Variants in BMPR1A observed in about 807,000 individuals in gnomAD.
BMPR1A encodes the protein bone morphogenetic protein receptor type 1A, also known as bone morphogenetic protein receptor type-1A.
BMPR1A carries 7 observed loss-of-function variants against 66.0 expected under a neutral mutation model. That is an observed-to-expected ratio of 0.11 (90% CI 0.06 to 0.20). BMPR1A has a LOEUF of 0.20. BMPR1A is among the 10% of genes least tolerant of loss of function. The probability of loss-of-function intolerance (pLI) is 1.00; values close to 1 mark genes in which losing one functional copy is unlikely to be tolerated. For missense variants in BMPR1A, 408 were observed against 669.1 expected (o/e 0.61, Z 4.31); for synonymous variants, 200 against 229.7 (o/e 0.87, Z 1.17).
chr10:86,788,406 A>G (rs1168619973), intron 1 of BMPR1A, among the ~76,000 whole-genome samples: 1 of 152,194 alleles, frequency 6.6e-6, no homozygotes, highest in African/African-American at 2.4e-5. Flanking sequence ...TTGTTCCCAA[A>G]TGATGCCCCC....
rs544060197 is a variant in BMPR1A, at chr10:86,793,900, G to A, written c.-268+36981G>A. The stretch of plus-strand genomic sequence containing the variant: ...TTCTGTGCCTCTTACAGCCTCTAGA[G>A]GCTGGCTGCATTCCTGGATCAGGCT... On this transcript the variant is annotated intron_variant, in intron 1 of 12. Transcript: ENST00000372037. Among the ~76,000 whole-genome samples, 12 of 152,282 alleles carry A rather than the reference G, an allele frequency of 7.9e-5. No homozygotes were observed. The South Asian group carries it at 2.5e-3, about 32-fold the overall frequency.
intron 7 of BMPR1A, among the ~76,000 whole-genome samples, chr10:86,905,007 CA>C (rs1843365654): frequency 6.6e-6 from 1 of 152,174 alleles, no homozygotes; most frequent in South Asian, 2.1e-4. Context: ...AGTTGTTCTC[CA>C]TAGCAAACCG....
intron 1 of BMPR1A, among the ~76,000 whole-genome samples, chr10:86,831,619 C>G (rs981796780): frequency 5.9e-5 from 9 of 152,142 alleles, no homozygotes; most frequent in Non-Finnish European, 8.8e-5. Context: ...AAAAAATTAT[C>G]CAGGCTTGTT....
At chr10:86,789,217 T>C (rs567763445) in intron 1 of BMPR1A, among the ~76,000 whole-genome samples, 1 of 152,290 alleles carries the variant, frequency 6.6e-6, no homozygotes, top group South Asian at 2.1e-4. Flanking sequence ...GTATAAATCT[T>C]GGTGACCTTG....
intron 1 of BMPR1A, among the ~76,000 whole-genome samples, chr10:86,806,129 A>G (rs1841886632): frequency 6.6e-6 from 1 of 152,168 alleles, no homozygotes; most frequent in Non-Finnish European, 1.5e-5. Flanking sequence ...CAGGTGATGC[A>G]TCTCTGGCCA....
chr10:86,889,105 C>CAG (rs1024900957), intron 3 of BMPR1A, among the ~76,000 whole-genome samples: 1 of 152,130 alleles, frequency 6.6e-6, no homozygotes, highest in Non-Finnish European at 1.5e-5. Context: ...CTAGCTGAGT[C>CAG]AGAGAGAGGA....
intron 3 of BMPR1A, among the ~76,000 whole-genome samples, chr10:86,883,869 G>A (rs906277074): frequency 3.5e-5 from 3 of 84,950 alleles, no homozygotes; most frequent in Non-Finnish European, 7.0e-5. Flanking sequence ...TTGAGCGTAT[G>A]ACTTTTTTTT....
At chr10:86,915,218 A>G (rs1843548045) in intron 8 of BMPR1A, among the ~76,000 whole-genome samples, 1 of 151,982 alleles carries the variant, frequency 6.6e-6, no homozygotes. Context: ...TTAAGTAGAG[A>G]CAGGGTTTCA....
chr10:86,888,786 C>T (rs117321655), intron 3 of BMPR1A, among the ~76,000 whole-genome samples: 6,237 of 143,260 alleles, frequency 0.044, 185 homozygotes, highest in South Asian at 0.08. Context: ...CTGATCACAT[C>T]ACTGTACTCC....
At chr10:86,868,133 C>T (rs1424406432) in intron 2 of BMPR1A, among the ~76,000 whole-genome samples, 3 of 152,098 alleles carry the variant, frequency 2.0e-5, no homozygotes, top group East Asian at 1.9e-4. Context: ...TCCTGGCCCA[C>T]GGGCATTATT....
chr10:86,789,072 G>A (rs1841560903), intron 1 of BMPR1A, among the ~76,000 whole-genome samples: 1 of 152,094 alleles, frequency 6.6e-6, no homozygotes, highest in South Asian at 2.1e-4. Context: ...GAATAGTGCT[G>A]GAAGAATTAG....
At chr10:86,915,181 A>G (rs558662843) in intron 8 of BMPR1A, among the ~76,000 whole-genome samples, 1 of 152,182 alleles carries the variant, frequency 6.6e-6, no homozygotes, top group East Asian at 1.9e-4. Context: ...ATGCACCACC[A>G]TGCCCAGCTA....
At chr10:86,918,492 T>C (rs1277178602) in intron 9 of BMPR1A, among the ~76,000 whole-genome samples, 1 of 152,226 alleles carries the variant, frequency 6.6e-6, no homozygotes, top group African/African-American at 2.4e-5. Context: ...AGTTGAACAT[T>C]CTTAATTTTA....
At chr10:86,771,926 G>A (rs1183978845) in intron 1 of BMPR1A, among the ~76,000 whole-genome samples, 1 of 151,866 alleles carries the variant, frequency 6.6e-6, no homozygotes, top group African/African-American at 2.4e-5. Context: ...CACTGTGCCT[G>A]GCTCCAATTT....
intron 1 of BMPR1A, among the ~76,000 whole-genome samples, chr10:86,834,542 T>A (rs999732229): frequency 3.3e-5 from 5 of 152,204 alleles, no homozygotes; most frequent in Non-Finnish European, 7.4e-5. Flanking sequence ...TTTATATGTT[T>A]GGTTTTATGA....
chr10:86,865,443 A>G (rs1386204339), intron 2 of BMPR1A, among the ~76,000 whole-genome samples: 2 of 151,876 alleles, frequency 1.3e-5, no homozygotes, highest in Non-Finnish European at 2.9e-5. Flanking sequence ...TTTGACTGTA[A>G]TTTTCCTTTA....
intron 2 of BMPR1A, among the ~76,000 whole-genome samples, chr10:86,868,347 G>A (rs757426260): frequency 3.9e-5 from 6 of 152,238 alleles, no homozygotes; most frequent in Non-Finnish European, 8.8e-5. Context: ...ATAACTGCGA[G>A]TGGTGTTGCT....
chr10:86,807,274 T>C (rs1841900507), intron 1 of BMPR1A, among the ~76,000 whole-genome samples: 1 of 152,210 alleles, frequency 6.6e-6, no homozygotes, highest in African/African-American at 2.4e-5. Context: ...TTTTGGCCTT[T>C]CCCCAGTCCA....
intron 1 of BMPR1A, among the ~76,000 whole-genome samples, chr10:86,833,633 A>G (rs901558904): frequency 1.3e-5 from 2 of 152,142 alleles, no homozygotes; most frequent in Admixed American, 1.3e-4. Flanking sequence ...CTGGTGGTTG[A>G]TGGCTTTTAT....
Sources: allele counts gnomAD v4.1 joint callset (sites outside exome capture counted in the v4.1 genomes callset), GRCh38; gene constraint gnomAD v4.1.1; transcripts MANE v1.5; gene names NCBI Gene and HGNC (gene_info 2026-07-23, HGNC 2026-07-21).